The following RIMS2 variants were observed in gnomAD, a reference collection of about 807,000 sequenced individuals.
RIMS2 encodes the protein regulating synaptic membrane exocytosis protein 2.
Under a neutral mutation model 174.4 loss-of-function variants are expected in RIMS2, and 59 were observed. The observed-to-expected ratio is 0.34, with a 90% CI of 0.27 to 0.42. The LOEUF is 0.42. RIMS2 is among the 10% of genes least tolerant of loss of function. The probability of loss-of-function intolerance (pLI) is 1.00; values close to 1 mark genes in which losing one functional copy is unlikely to be tolerated. For missense variants in RIMS2, 1,620 were observed against 1,666.3 expected, an observed-to-expected ratio of 0.97 and a Z score of 0.48; for synonymous variants, 606 against 572.5, an observed-to-expected ratio of 1.06 and a Z score of -0.84.
At chr8:103,878,512 A>T (rs2099152319) in intron 3 of RIMS2, among the ~76,000 whole-genome samples, 1 of 151,722 alleles carries the variant, frequency 6.6e-6, no homozygotes, top group African/African-American at 2.4e-5. Context: ...TTCATTGGAG[A>T]TATTGATCTC....
At chr8:103,613,975 C>T (rs183012583) in intron 1 of RIMS2, among the ~76,000 whole-genome samples, 1 of 152,292 alleles carries the variant, frequency 6.6e-6, no homozygotes, top group Admixed American at 6.5e-5. Flanking sequence ...AGGAAGGAAA[C>T]ACTTTTATTA....
At chr8:103,887,191 C>A (rs765760503) in intron 4 of RIMS2, among the ~76,000 whole-genome samples, 1 of 151,664 alleles carries the variant, frequency 6.6e-6, no homozygotes, top group African/African-American at 2.4e-5. Flanking sequence ...TGTTTATCTG[C>A]ATTTGATATC....
At chr8:103,533,950 C>G (rs1031096902) in intron 1 of RIMS2, among the ~76,000 whole-genome samples, 19 of 152,160 alleles carry the variant, frequency 1.2e-4, no homozygotes, top group Non-Finnish European at 4.4e-5. Context: ...TATTATGACT[C>G]ATTCTATCAA....
At chr8:103,971,083 T>C (rs566177763) in intron 15 of RIMS2, among the ~76,000 whole-genome samples, 4 of 152,162 alleles carry the variant, frequency 2.6e-5, no homozygotes, top group African/African-American at 7.2e-5. Context: ...TTTTAACCTA[T>C]TGATGCACTT....
chr8:103,788,549 C>G (rs1467170634), intron 3 of RIMS2, among the ~76,000 whole-genome samples: 4 of 151,482 alleles, frequency 2.6e-5, no homozygotes, highest in African/African-American at 9.7e-5. Flanking sequence ...GTCAGTGTGC[C>G]CCTGCTGGGG....
At chr8:103,500,971 C>T (rs1472694950) in exon 1 of RIMS2, 1 of 1,610,940 alleles carries the variant, frequency 6.2e-7, no homozygotes, top group Admixed American at 1.7e-5. Flanking sequence ...GATGCCTGAC[C>T]TCAGCCACCT....
chr8:103,598,190 T>C (rs2094550888), intron 1 of RIMS2, among the ~76,000 whole-genome samples: 1 of 152,168 alleles, frequency 6.6e-6, no homozygotes, highest in South Asian at 2.1e-4. Context: ...TAGAAACCTT[T>C]AAATTCCATC....
Position 103,606,979 on chromosome 8 carries a change from T to C in RIMS2, c.177-90107T>C, listed in dbSNP as rs879441834. 2.3e-3 allele frequency among the ~76,000 whole-genome samples: 347 copies of C among 152,270 alleles called. 3 individuals are homozygous for C. Among genetic ancestry groups the C allele is most frequent in the Non-Finnish European group, 3.7e-3 (250 of 68,030 alleles). On this transcript the variant is annotated intron_variant, in intron 1 of 23. Transcript: ENST00000504942. The stretch of plus-strand genomic sequence containing the variant: ...CAATTTGCCAGTCTGTGTCTTTTAA[T>C]TGGAGCATTTAGTCCATTTACATTT...
intron 2 of RIMS2, among the ~76,000 whole-genome samples, chr8:103,742,963 G>A (rs1397241115): frequency 1.3e-5 from 2 of 152,144 alleles, no homozygotes; most frequent in Non-Finnish European, 2.9e-5. Context: ...TTATAAGATA[G>A]CGTACCATGA....
Position 104,013,629 on chromosome 8 carries a change from A to G in RIMS2, c.3224+8A>G. 1 of 1,611,838 alleles carries G rather than the reference A, an allele frequency of 6.2e-7. No homozygotes were observed. Among genetic ancestry groups the G allele is most frequent in the Non-Finnish European group, 8.5e-7 (1 of 1,178,302 alleles). ...TTCACCTGCCTTATCGAGGTGAAAG[A>G]TAAATCAATCAGACTAATTTCCCCT... On this transcript the variant is annotated splice_region_variant and intron_variant, in intron 18 of 23. Coordinates refer to ENST00000504942, the Ensembl canonical transcript of RIMS2.
At chr8:103,520,261 TA>T (rs1321140639) in intron 1 of RIMS2, among the ~76,000 whole-genome samples, 2 of 152,162 alleles carry the variant, frequency 1.3e-5, no homozygotes, top group Admixed American at 6.6e-5. Context: ...CTATGAATTT[TA>T]GGCTACTTTT....
chr8:104,145,734 A>C (rs1410727637), intron 19 of RIMS2, among the ~76,000 whole-genome samples: 1 of 149,792 alleles, frequency 6.7e-6, no homozygotes, highest in Non-Finnish European at 1.5e-5. Flanking sequence ...ATGGTGGTGC[A>C]TGCCTGCAAT....
At chr8:103,675,634 T>A (rs1020624522) in intron 1 of RIMS2, among the ~76,000 whole-genome samples, 5 of 152,222 alleles carry the variant, frequency 3.3e-5, no homozygotes, top group African/African-American at 1.2e-4. Context: ...AGAGATAGCA[T>A]AAGCCTATCT....
intron 1 of RIMS2, among the ~76,000 whole-genome samples, chr8:103,629,680 T>C (rs1452792874): frequency 6.6e-6 from 1 of 152,106 alleles, no homozygotes; most frequent in Non-Finnish European, 1.5e-5. Context: ...ATGATATAGA[T>C]GATGATTAAT....
At chr8:104,221,035 G>A (rs2138471776) in intron 19 of RIMS2, among the ~76,000 whole-genome samples, 1 of 152,284 alleles carries the variant, frequency 6.6e-6, no homozygotes, top group South Asian at 2.1e-4. Flanking sequence ...ATCTTTAGGA[G>A]AGTCTGACTG....
intron 1 of RIMS2, among the ~76,000 whole-genome samples, chr8:103,656,705 C>T (rs893939138): frequency 7.9e-5 from 12 of 152,124 alleles, no homozygotes; most frequent in African/African-American, 2.2e-4. Context: ...ATTGAGGTCA[C>T]AGGGCAAATC....
chr8:103,870,657 GA>G (rs528740309), intron 3 of RIMS2, among the ~76,000 whole-genome samples: 367 of 144,998 alleles, frequency 2.5e-3, no homozygotes, highest in Middle Eastern at 0.014. Flanking sequence ...TGCCCCTCAA[GA>G]AAAAAAAAAC....
chr8:103,587,542 C>T (rs969846374), intron 1 of RIMS2, among the ~76,000 whole-genome samples: 6 of 151,820 alleles, frequency 4.0e-5, no homozygotes, highest in African/African-American at 9.7e-5. Flanking sequence ...CTGAATTCAG[C>T]AATACTTTAG....
intron 8 of RIMS2, among the ~76,000 whole-genome samples, chr8:103,917,485 G>A (rs2076830449): frequency 6.6e-6 from 1 of 152,052 alleles, no homozygotes; most frequent in South Asian, 2.1e-4. Context: ...TAAGATTTGT[G>A]TATTGATCAA....
Sources: gnomAD v4.1 joint callset for allele counts (sites outside exome capture counted in the v4.1 genomes callset) on GRCh38, gnomAD v4.1.1 for gene constraint, MANE v1.5 for transcripts, NCBI Gene and HGNC (gene_info 2026-07-23, HGNC 2026-07-21) for gene names.